PTPRD: variants seen among roughly 807,000 people sequenced by gnomAD.
PTPRD encodes protein tyrosine phosphatase receptor type D.
PTPRD carries 34 observed loss-of-function variants against 214.5 expected under a neutral mutation model. The ratio of observed to expected loss-of-function variants is 0.16; its 90% CI spans 0.12 to 0.21. The LOEUF is 0.21. PTPRD is among the 10% of genes least tolerant of loss of function. The pLI, the probability that PTPRD is intolerant of heterozygous loss-of-function variation, is 1.00. For synonymous variants in PTPRD, 1,128 were observed against 845.7 expected, an observed-to-expected ratio of 1.33 and a Z score of -5.79; for missense variants, 2,545 against 2,398.7, an observed-to-expected ratio of 1.06 and a Z score of -1.27.
intron 14 of PTPRD, among the ~76,000 whole-genome samples, chr9:8,546,601 A>T (rs186264378): frequency 9.4e-4 from 142 of 151,596 alleles, no homozygotes; most frequent in Admixed American, 2.6e-3. Flanking sequence ...CAGTTTCAAG[A>T]GATTCTCCTG....
intron 5 of PTPRD, among the ~76,000 whole-genome samples, chr9:9,846,106 A>T (rs1037305590): frequency 6.6e-6 from 1 of 152,160 alleles, no homozygotes; most frequent in Admixed American, 6.6e-5. Context: ...TTAGCTATTT[A>T]TCAGTTATCT....
At chr9:8,823,665 G>A (rs1228283594) in intron 11 of PTPRD, among the ~76,000 whole-genome samples, 1 of 115,868 alleles carries the variant, frequency 8.6e-6, no homozygotes, top group Non-Finnish European at 1.8e-5. Context: ...AAAGGGAAGG[G>A]AAAGGGAAAA....
At chr9:10,076,828 G>A (rs1286610563) in intron 3 of PTPRD, among the ~76,000 whole-genome samples, 1 of 152,108 alleles carries the variant, frequency 6.6e-6, no homozygotes, top group Non-Finnish European at 1.5e-5. Context: ...AATAAACCTA[G>A]CGCACATTAC....
rs555358378 is a variant in PTPRD, at chr9:8,614,105, G to C, written c.352+19212C>G. On this transcript the variant is annotated intron_variant, in intron 14 of 45. Transcript: ENST00000381196. ...TGTCATTCAGATGTGAATATGACAT[G>C]ATTAATACATTATTGGTAAATGTCA... Among the ~76,000 whole-genome samples, 8 of 152,220 alleles carry C rather than the reference G, an allele frequency of 5.3e-5. No homozygotes were observed. In the South Asian group the frequency reaches 1.7e-3, roughly 32 times the overall value.
At chr9:10,408,418 TAA>T (rs1245291181) in intron 2 of PTPRD, among the ~76,000 whole-genome samples, 1 of 151,620 alleles carries the variant, frequency 6.6e-6, no homozygotes, top group Non-Finnish European at 1.5e-5. Context: ...AAAAGCATCT[TAA>T]ATAAGAAAGT....
At chr9:8,460,642 G>A (rs2096371617) in intron 32 of PTPRD, 71 bp from the exon 33 acceptor site, 4 of 1,475,198 alleles carry the variant, frequency 2.7e-6, no homozygotes, top group East Asian at 2.3e-5. Flanking sequence ...AACATTAGAA[G>A]AAGCAAAAAA....
intron 4 of PTPRD, among the ~76,000 whole-genome samples, chr9:9,945,326 A>G (rs1409087562): frequency 6.6e-6 from 1 of 152,168 alleles, no homozygotes; most frequent in African/African-American, 2.4e-5. Context: ...GGTATTATAA[A>G]CATAGAGATC....
intron 9 of PTPRD, among the ~76,000 whole-genome samples, chr9:9,273,197 T>C (rs1459888712): frequency 6.6e-6 from 1 of 151,274 alleles, no homozygotes; most frequent in African/African-American, 2.4e-5. Flanking sequence ...AAAAATGATT[T>C]CCAAGTTGCT....
chr9:10,067,831 T>G (rs2154176255), intron 3 of PTPRD, among the ~76,000 whole-genome samples: 1 of 152,028 alleles, frequency 6.6e-6, no homozygotes. Flanking sequence ...GTTTAATAAC[T>G]ATCTCTCTGG....
chr9:9,889,970 A>G (rs1252919185), intron 5 of PTPRD, among the ~76,000 whole-genome samples: 1 of 152,046 alleles, frequency 6.6e-6, no homozygotes, highest in African/African-American at 2.4e-5. Context: ...TGGCTAGCAG[A>G]GGGCAGTTCA....
intron 8 of PTPRD, among the ~76,000 whole-genome samples, chr9:9,528,040 C>A (rs538096997): frequency 6.6e-6 from 1 of 152,260 alleles, no homozygotes; most frequent in South Asian, 2.1e-4. Context: ...TAGGGCATTT[C>A]TAGGCAAGCA....
intron 5 of PTPRD, among the ~76,000 whole-genome samples, chr9:9,916,942 AAAC>A (rs2081012148): frequency 6.6e-6 from 1 of 151,946 alleles, no homozygotes. Context: ...AATGGAAATT[AAAC>A]AACATGTTCT....
At chr9:8,507,498 T>C in intron 21 of PTPRD, 64 bp from the exon 22 acceptor site, 2 of 1,600,946 alleles carry the variant, frequency 1.2e-6, no homozygotes, top group South Asian at 1.1e-5. Flanking sequence ...AGTTCTTCCA[T>C]TAGCGTAACC....
chr9:10,151,447 G>C (rs1375111686), intron 3 of PTPRD, among the ~76,000 whole-genome samples: 2 of 151,694 alleles, frequency 1.3e-5, no homozygotes, highest in African/African-American at 4.8e-5. Flanking sequence ...ATTTTTAGTA[G>C]AGACTGGGTT....
rs556675391 is a variant in PTPRD at position 9,603,738 on chromosome 9, C to T, written c.-286-28957G>A. On this transcript the variant is annotated intron_variant, in intron 7 of 45. Coordinates refer to ENST00000381196, the MANE Select transcript of PTPRD (RefSeq NM_002839.4). ...ATCCCCACCATGTGTGGAAAAGTTGCCTTCCATGAATCAAGTCCCTGGTGG... is the reference window on the plus strand; with the variant it reads ...ATCCCCACCATGTGTGGAAAAGTTGTCTTCCATGAATCAAGTCCCTGGTGG... Among the ~76,000 whole-genome samples, 179 of 152,232 alleles carry T rather than the reference C, an allele frequency of 1.2e-3. 1 individual carries two copies. Among genetic ancestry groups the T allele is most frequent in the South Asian group, 2.5e-3 (12 of 4,816 alleles).
intron 3 of PTPRD, among the ~76,000 whole-genome samples, chr9:10,329,364 T>C (rs1384527545): frequency 1.3e-5 from 2 of 151,866 alleles, no homozygotes; most frequent in Non-Finnish European, 2.9e-5. Context: ...TATTTTTTAA[T>C]GTGCATGTTC....
chr9:8,429,608 A>C (rs2094913935), intron 35 of PTPRD, among the ~76,000 whole-genome samples: 3 of 152,188 alleles, frequency 2.0e-5, no homozygotes, highest in Admixed American at 6.5e-5. Flanking sequence ...CTGATATCTG[A>C]AATATTTCAT....
At chr9:9,986,662 A>G (rs1318702596) in intron 4 of PTPRD, among the ~76,000 whole-genome samples, 1 of 152,162 alleles carries the variant, frequency 6.6e-6, no homozygotes, top group African/African-American at 2.4e-5. Context: ...AACAAAAGAC[A>G]AATTTATGTT....
At chr9:8,993,832 G>A (rs963077091) in intron 11 of PTPRD, among the ~76,000 whole-genome samples, 3 of 152,122 alleles carry the variant, frequency 2.0e-5, no homozygotes, top group East Asian at 1.9e-4. Context: ...TGGGGGACCC[G>A]AAGAGTTATA....
Sources: allele counts gnomAD v4.1 joint callset (sites outside exome capture counted in the v4.1 genomes callset), GRCh38; gene constraint gnomAD v4.1.1; transcripts MANE v1.5; gene names NCBI Gene and HGNC (gene_info 2026-07-23, HGNC 2026-07-21).